SRGAP1: variants seen among roughly 807,000 people sequenced by gnomAD.
The protein encoded by SRGAP1 is SLIT-ROBO Rho GTPase-activating protein 1.
SRGAP1 carries 43 observed loss-of-function variants against 121.9 expected under a neutral mutation model. The observed-to-expected ratio is 0.35, with a 90% confidence interval of 0.28 to 0.46. SRGAP1 has a LOEUF of 0.46. Ranked by LOEUF, SRGAP1 falls within the 20% of genes least tolerant of loss-of-function variation. SRGAP1 has a pLI of 1.00. For missense variants in SRGAP1, 1,102 were observed against 1,350.9 expected (o/e 0.82, Z 2.89); for synonymous variants, 447 against 485.4 (o/e 0.92, Z 1.04).
chr12:64,126,157 T>C lies in SRGAP1; in HGVS notation c.2405T>C (p.Met802Thr), dbSNP rs958858320. The change falls in exon 19 of 22, where the codon ATG becomes ACG. Residue 802 changes from methionine to threonine, a missense_variant and splice_region_variant. Around this residue, in one of 3 missense-constraint regions of SRGAP1, gnomAD observed 40 missense variants for 78.4 expected, o/e 0.51. Transcript: ENST00000355086. ...VPHQYIVVQD[M>T]DDTFSDTLSQ... ...CACCAGTATATAGTGGTGCAGGATA[T>C]GTGAGTAGTCTCAACTTTGATTGCC... 2 of 1,610,282 alleles carry C rather than the reference T, an allele frequency of 1.2e-6. No homozygotes were observed. Among genetic ancestry groups the C allele is most frequent in the Non-Finnish European group, 8.5e-7 (1 of 1,176,920 alleles).
intron 1 of SRGAP1, among the ~76,000 whole-genome samples, chr12:63,858,202 G>GTGTGTC (rs1565923234): frequency 5.3e-5 from 8 of 150,924 alleles, no homozygotes; most frequent in African/African-American, 2.4e-5. Flanking sequence ...GTGTGTGTGT[G>GTGTGTC]TGTCTGTCTG....
rs935897043 is a variant in SRGAP1, at chr12:64,147,837, C to T, written c.*5165C>T. 2 of 396,090 alleles carry T rather than the reference C, an allele frequency of 5.0e-6. No homozygotes were observed. Among genetic ancestry groups the T allele is most frequent in the African/African-American group, 2.1e-5 (1 of 48,580 alleles). 24.5% of individuals were successfully genotyped at this position (396,090 alleles called of 1,614,324 possible). A position where few individuals can be genotyped will look rare whatever the true frequency, so the allele number is the denominator to read the frequency against. On this transcript the variant is annotated 3_prime_UTR_variant, in exon 22 of 22. Coordinates refer to ENST00000355086, the MANE Select transcript of SRGAP1 (RefSeq NM_020762.4). ...TAATAAATAAGATAGTTCTGGCTGC[C>T]TTTGTCTGCTTCCAGTTTGATGTGC... is the stretch of plus-strand genomic sequence containing the variant.
chr12:63,958,213 G>A (rs2032533140), intron 1 of SRGAP1, among the ~76,000 whole-genome samples: 1 of 152,168 alleles, frequency 6.6e-6, no homozygotes, highest in Admixed American at 6.5e-5. Flanking sequence ...GGCACCCAGT[G>A]GTATTCTTAT....
intron 6 of SRGAP1, among the ~76,000 whole-genome samples, chr12:64,048,114 G>A (rs976811846): frequency 2.6e-5 from 4 of 151,824 alleles, no homozygotes; most frequent in African/African-American, 9.7e-5. Flanking sequence ...GCTCTTATTC[G>A]TTCTATCTAA....
intron 21 of SRGAP1, among the ~76,000 whole-genome samples, chr12:64,134,658 C>G (rs1232320653): frequency 6.6e-6 from 1 of 152,024 alleles, no homozygotes; most frequent in East Asian, 1.9e-4. Context: ...GTTAACCAAG[C>G]AAATAAACTA....
rs146743566 is a variant in SRGAP1, at chr12:64,046,437, C to T, written c.801+2862C>T. On this transcript the variant is annotated intron_variant, in intron 6 of 21. Transcript: ENST00000355086. ...GAAAACAGGGAGCTATAGCAAGAGT[C>T]TTTGTGGTTGCCCAGGCTAAAGATG... Among the ~76,000 whole-genome samples the T allele has an allele frequency of 3.4e-4, 52 of 152,214 alleles. 1 individual carries two copies. The East Asian group carries it at 8.9e-3, about 26-fold the overall frequency.
intron 1 of SRGAP1, among the ~76,000 whole-genome samples, chr12:63,902,325 G>C (rs1169900691): frequency 6.6e-6 from 1 of 152,110 alleles, no homozygotes; most frequent in African/African-American, 2.4e-5. Flanking sequence ...ACTATTCCAA[G>C]AACAGTATTA....
At chr12:64,128,934 C>T (rs867684262) in intron 21 of SRGAP1, among the ~76,000 whole-genome samples, 1 of 152,162 alleles carries the variant, frequency 6.6e-6, no homozygotes, top group Admixed American at 6.5e-5. Context: ...ATTTTTCCCT[C>T]TGGTTCTGGC....
chr12:64,028,412 C>T (rs916863665), intron 4 of SRGAP1, among the ~76,000 whole-genome samples: 2 of 152,246 alleles, frequency 1.3e-5, no homozygotes, highest in Non-Finnish European at 2.9e-5. Context: ...AACCATCCCT[C>T]GGCTCCCCGG....
intron 1 of SRGAP1, among the ~76,000 whole-genome samples, chr12:63,971,203 C>G (rs2032938202): frequency 6.6e-6 from 1 of 152,162 alleles, no homozygotes; most frequent in African/African-American, 2.4e-5. Flanking sequence ...TTGTTCCTGC[C>G]TATGTGTTCT....
chr12:64,061,489 ATTCTT>A (rs1275204897), intron 6 of SRGAP1, among the ~76,000 whole-genome samples: 3 of 152,212 alleles, frequency 2.0e-5, no homozygotes, highest in African/African-American at 7.2e-5. Context: ...GCTATTTTTC[ATTCTT>A]TTCTTTTGGT....
intron 6 of SRGAP1, among the ~76,000 whole-genome samples, chr12:64,056,128 C>T (rs1162789): frequency 0.19 from 28,301 of 152,090 alleles, 3,328 homozygotes; most frequent in Non-Finnish European, 0.27. Context: ...AAAACCAGTT[C>T]TCTTGTTCCA....
chr12:64,135,329 C>G (rs1374395283), intron 21 of SRGAP1, among the ~76,000 whole-genome samples: 1 of 152,114 alleles, frequency 6.6e-6, no homozygotes, highest in African/African-American at 2.4e-5. Flanking sequence ...CATAAGAACT[C>G]GTGTCTGGTT....
intron 1 of SRGAP1, among the ~76,000 whole-genome samples, chr12:63,918,490 C>T (rs530446058): frequency 6.2e-4 from 94 of 152,270 alleles, no homozygotes; most frequent in African/African-American, 2.2e-3. Context: ...AGTCATGGTT[C>T]ACTGCAGCCT....
rs1203785886 is a variant in SRGAP1 at position 63,946,608 on chromosome 12, A to G, written c.68-37339A>G. ...GCCCACGCTGGAGTGCAGTGGTGGG[A>G]TCTTGGCTCACTGAATCCTCTGCCT... On this transcript the variant is annotated intron_variant, in intron 1 of 21. Transcript: ENST00000355086. 2.0e-5 allele frequency among the ~76,000 whole-genome samples: 3 copies of G among 146,644 alleles called. No individual in the cohort carries two copies. The Admixed American group carries it at 2.1e-4, about 10-fold the overall frequency.
At chr12:64,045,426 A>T (rs1479775080) in intron 6 of SRGAP1, among the ~76,000 whole-genome samples, 1 of 151,760 alleles carries the variant, frequency 6.6e-6, no homozygotes, top group Non-Finnish European at 1.5e-5. Context: ...TACTTGGCTA[A>T]ATCCAAACCA....
At chr12:64,072,863 A>T (rs1476865672) in intron 8 of SRGAP1, among the ~76,000 whole-genome samples, 2 of 152,208 alleles carry the variant, frequency 1.3e-5, no homozygotes, top group Non-Finnish European at 2.9e-5. Flanking sequence ...CAACAAAGCC[A>T]GTCCACAAAA....
intron 1 of SRGAP1, among the ~76,000 whole-genome samples, chr12:63,863,710 AT>A (rs1257304983): frequency 6.6e-6 from 1 of 152,260 alleles, no homozygotes; most frequent in Non-Finnish European, 1.5e-5. Flanking sequence ...AATTATACAC[AT>A]CTATCTGTAT....
rs570378657 is a variant in SRGAP1 at position 64,097,181 on chromosome 12, T to G, written c.1679-60T>G. 2.2e-4 allele frequency: 337 copies of G among 1,511,616 alleles called. 1 individual carries two copies. In the African/African-American group the frequency reaches 4.1e-3, roughly 18 times the overall value. The allele number at this position is 1,511,616 out of a possible 1,614,324, so 93.6% of individuals were successfully genotyped here. A position where few individuals can be genotyped will look rare whatever the true frequency, so the allele number is the denominator to read the frequency against. On this transcript the variant is annotated intron_variant, in intron 14 of 21. Coordinates refer to ENST00000355086, the MANE Select transcript of SRGAP1 (RefSeq NM_020762.4). ...AGCAACGTGTATGTTCATAGAAATA[T>G]ATTTTTGTTCAGAGAAAAAGAAGCA...
Sources: gnomAD v4.1 joint callset for allele counts (sites outside exome capture counted in the v4.1 genomes callset) on GRCh38, gnomAD v4.1.1 for gene constraint, gnomAD v4.1.1 regional missense constraint, MANE v1.5 for transcripts, NCBI Gene and HGNC (gene_info 2026-07-23, HGNC 2026-07-21) for gene names.